The following SPATA31A6 variants were observed in gnomAD, a reference collection of about 807,000 sequenced individuals.
SPATA31A6 encodes the protein SPATA31 subfamily A member 6.
A neutral mutation model predicts 11.9 loss-of-function variants in SPATA31A6; 9 were observed. The observed-to-expected ratio is 0.76, with a 90% CI of 0.46 to 1.32. SPATA31A6 has a LOEUF of 1.32. Among genes scored for constraint, SPATA31A6 ranks in the 40% most tolerant of loss-of-function variants. SPATA31A6 has a pLI of 0.00. For synonymous variants in SPATA31A6, 314 were observed against 572.1 expected, an observed-to-expected ratio of 0.55 and a Z score of 6.44; for missense variants, 855 against 1,467.3, an observed-to-expected ratio of 0.58 and a Z score of 6.82.
At position 42,184,475 on chromosome 9, in the gene SPATA31A6, G is replaced by A. The variant is rs1587325288; in HGVS notation, c.190-594G>A. ...TGTGTGTGTGTGTGTGTGTGTGTGTGTGTGTGTTATTTTTATTTTATTTGT... is the reference window on the plus strand; with the variant it reads ...TGTGTGTGTGTGTGTGTGTGTGTGTATGTGTGTTATTTTTATTTTATTTGT... On this transcript the variant is annotated intron_variant, in intron 1 of 3. Coordinates refer to ENST00000332857, the MANE Select transcript of SPATA31A6 (RefSeq NM_001145196.1). 1.6e-5 allele frequency among the ~76,000 whole-genome samples: 2 copies of A among 128,548 alleles called. 1 individual carries two copies. Among genetic ancestry groups the A allele is most frequent in the Non-Finnish European group, 3.2e-5 (2 of 61,882 alleles). 84.3% of individuals were successfully genotyped at this position (128,548 alleles called of 152,430 possible). A position where few individuals can be genotyped will look rare whatever the true frequency, so the allele number is the denominator to read the frequency against.
chr9:42,187,545 G>C lies in SPATA31A6; in HGVS notation c.1843G>C (p.Glu615Gln). Residue 615 changes from glutamate (E) to glutamine (Q), a missense_variant, in exon 4 of 4, where the codon GAG becomes CAG. By Grantham distance (29) the Glu-to-Gln change is conservative. Transcript: ENST00000332857. ...QHWGNLGRIQ[E>Q]SLDLMQLRDE... ...CTGGGGCAACCTGGGAAGGATCCAA[G>C]AGTCTCTGGATCTGATGCAGCTTCG... 1 of 1,453,282 alleles carries C rather than the reference G, an allele frequency of 6.9e-7. No individual in the cohort carries two copies. The highest frequency in any genetic ancestry group is 9.2e-7 in the Non-Finnish European group (1 of 1,081,348). The allele number at this position is 1,453,282 out of a possible 1,614,324, so 90.0% of individuals were successfully genotyped here. A position where few individuals can be genotyped will look rare whatever the true frequency, so the allele number is the denominator to read the frequency against.
At chr9:42,183,945 T>C in intron 1 of SPATA31A6, 69 bp downstream of exon 1, 1 of 1,519,680 alleles carries the variant, frequency 6.6e-7, no homozygotes, top group Non-Finnish European at 8.8e-7. Flanking sequence ...AGTTCCACTT[T>C]TCCAAATCCA....
Position 42,189,877 on chromosome 9 carries a change from T to C in SPATA31A6, c.*143T>C. On this transcript the variant is annotated 3_prime_UTR_variant, in exon 4 of 4. Coordinates refer to ENST00000332857, the MANE Select transcript of SPATA31A6 (RefSeq NM_001145196.1). ...TAATATTCCACAATATATATGGTTT[T>C]TTATTTATAAGAGGGTGATGGCTTC... The C allele has an allele frequency of 8.9e-7, 1 of 1,117,592 alleles. No individual in the cohort carries two copies. Among genetic ancestry groups the C allele is most frequent in the Non-Finnish European group, 1.2e-6 (1 of 846,182 alleles). The allele number at this position is 1,117,592 out of a possible 1,614,324, so 69.2% of individuals were successfully genotyped here.
rs1410962719 is a variant in SPATA31A6 at position 42,184,821 on chromosome 9, C to A, written c.190-248C>A. ...TGGATTATAGGCGTGAGCCACCACG[C>A]CCAGCCCCCTCTTGCTGTTTTTCTA... is the stretch of plus-strand genomic sequence containing the variant. On this transcript the variant is annotated intron_variant, in intron 1 of 3. Transcript: ENST00000332857. 1.5e-4 allele frequency among the ~76,000 whole-genome samples: 20 copies of A among 137,694 alleles called. 4 individuals are homozygous for A. The allele number at this position is 137,694 out of a possible 152,430, so 90.3% of individuals were successfully genotyped here.
rs1251024594 is a variant in SPATA31A6 at position 42,187,192 on chromosome 9, C to T, written c.1490C>T (p.Ala497Val). 1.6e-5 allele frequency: 24 copies of T among 1,543,234 alleles called. 5 individuals are homozygous for T. Among genetic ancestry groups the T allele is most frequent in the Admixed American group, 3.5e-5 (2 of 57,256 alleles). ...CCTATGGCTCAGGCCGAGGCTCAGG[C>T]CCATCTTCAGTCTTCTTTCCCAGTC... is the stretch of plus-strand genomic sequence containing the variant. ...PTPMAQAEAQ[A>V]HLQSSFPVLS... is the part of the protein sequence containing the mutation. Residue 497 changes from alanine (A) to valine (V), a missense_variant, in exon 4 of 4, where the codon GCC (alanine) becomes GTC (valine). Coordinates refer to ENST00000332857, the MANE Select transcript of SPATA31A6 (RefSeq NM_001145196.1).
chr9:42,187,284 G>C lies in SPATA31A6; in HGVS notation c.1582G>C (p.Val528Leu). ...GVACPASQNK[V>L]QALSLPETQH... Reference sequence around the variant, plus strand: ...AGCTTGCCCTGCATCGCAGAATAAAGTGCAAGCTCTCTCCCTACCTGAAAC... The same window carrying C: ...AGCTTGCCCTGCATCGCAGAATAAACTGCAAGCTCTCTCCCTACCTGAAAC... The change falls in exon 4 of 4, where the codon GTG becomes CTG. Residue 528 changes from valine (V) to leucine (L), a missense_variant. Transcript: ENST00000332857. 1 of 1,541,268 alleles carries C rather than the reference G, an allele frequency of 6.5e-7. No homozygotes were observed. Among genetic ancestry groups the C allele is most frequent in the South Asian group, 1.2e-5 (1 of 86,468 alleles).
Position 42,185,716 on chromosome 9 carries a change from G to A in SPATA31A6, c.269G>A (p.Gly90Asp). 4 of 1,382,230 alleles carry A rather than the reference G, an allele frequency of 2.9e-6. 1 individual carries two copies. Among genetic ancestry groups the A allele is most frequent in the Non-Finnish European group, 3.0e-6 (3 of 1,016,078 alleles). The allele number at this position is 1,382,230 out of a possible 1,614,324, so 85.6% of individuals were successfully genotyped here. Residue 90 changes from glycine (G) to aspartate (D), a missense_variant, in exon 3 of 4, where the codon GGC (glycine) becomes GAC (aspartate). Gly to Asp is a moderately conservative substitution (Grantham distance 94). Transcript: ENST00000332857. ...SLRAGRECPR[G>D]LEETSDLLSQ... ...CCAGCTGGTAGAGAGTGCCCGAGAG[G>A]CCTGGAGGAGACTTCGGACCTTCTT...
At chr9:42,185,493 C>A in intron 2 of SPATA31A6, 2 of 910,568 alleles carry the variant, frequency 2.2e-6, no homozygotes, top group Non-Finnish European at 3.3e-6. Flanking sequence ...GTGGGGGGTC[C>A]GTGTGTGGAA....
rs1587330075 is a variant in SPATA31A6 at position 42,188,762 on chromosome 9, G to A, written c.3060G>A (p.Gln1020=). 4 of 1,468,228 alleles carry A rather than the reference G, an allele frequency of 2.7e-6. 1 individual carries two copies. The allele number at this position is 1,468,228 out of a possible 1,614,324, so 91.0% of individuals were successfully genotyped here. The change falls in exon 4 of 4, where the codon CAG becomes CAA. Residue 1020 remains glutamine (Q), a synonymous_variant. Coordinates refer to ENST00000332857, the MANE Select transcript of SPATA31A6 (RefSeq NM_001145196.1). The part of the protein sequence containing the change: ...EPGMATKSET[Q]PQVCAAVVLL... Reference sequence around the variant, plus strand: ...GAATGGCCACAAAGTCAGAGACCCAGCCTCAAGTTTGTGCCGCTGTTGTGC... The same window carrying A: ...GAATGGCCACAAAGTCAGAGACCCAACCTCAAGTTTGTGCCGCTGTTGTGC...
At position 42,187,242 on chromosome 9, in the gene SPATA31A6, A is replaced by G; in HGVS notation, c.1540A>G (p.Ile514Val). 5 of 1,542,760 alleles carry G rather than the reference A, an allele frequency of 3.2e-6. 1 individual carries two copies. The highest frequency in any genetic ancestry group is 4.4e-6 in the Non-Finnish European group (5 of 1,138,112). Reference protein sequence around the residue: ...PVLSPAFPSLIKNTGVACPAS... With the variant: ...PVLSPAFPSLVKNTGVACPAS... ...CCTATCTCCTGCTTTTCCATCCCTG[A>G]TTAAGAACACTGGAGTAGCTTGCCC... is the stretch of plus-strand genomic sequence containing the variant. The change falls in exon 4 of 4, where the codon ATT becomes GTT. Residue 514 changes from isoleucine to valine, a missense_variant. Ile to Val is a conservative substitution (Grantham distance 29). Coordinates refer to ENST00000332857, the MANE Select transcript of SPATA31A6 (RefSeq NM_001145196.1).
Position 42,186,712 on chromosome 9 carries a change from A to C in SPATA31A6, c.1010A>C (p.Lys337Thr). The part of the protein sequence containing the change: ...VVGIQVTETA[K>T]VNIWEEKENV... ...GGGATACAAGTCACAGAAACAGCCA[A>C]GGTCAACATTTGGGAAGAAAAAGAA... The change falls in exon 4 of 4, where the codon AAG becomes ACG. Residue 337 changes from lysine to threonine, a missense_variant. Physicochemically the swap from Lys to Thr is moderately conservative, Grantham distance 78 (BLOSUM62 -1). Coordinates refer to ENST00000332857, the MANE Select transcript of SPATA31A6 (RefSeq NM_001145196.1). 1 of 1,531,298 alleles carries C rather than the reference A, an allele frequency of 6.5e-7. No homozygotes were observed. The highest frequency in any genetic ancestry group is 8.8e-7 in the Non-Finnish European group (1 of 1,139,546). The allele number at this position is 1,531,298 out of a possible 1,614,324, so 94.9% of individuals were successfully genotyped here.
Position 42,185,043 on chromosome 9 carries a change from T to A in SPATA31A6, c.190-26T>A. 3 of 1,535,704 alleles carry A rather than the reference T, an allele frequency of 2.0e-6. 1 individual carries two copies. In the South Asian group the frequency reaches 3.5e-5, roughly 18 times the overall value. ...CATCTTGTCTCTCCGCGTCATCTTG[T>A]CTCCGTACGTCATCATGTCTCCCAG... On this transcript the variant is annotated intron_variant, in intron 1 of 3. Transcript: ENST00000332857.
At chr9:42,185,659 T>G in intron 2 of SPATA31A6, 36 bp from the exon 3 acceptor site, 1 of 1,478,830 alleles carries the variant, frequency 6.8e-7, no homozygotes, top group South Asian at 1.2e-5. Context: ...CCCAGGCCCC[T>G]CCCTCACTGC....
chr9:42,184,264 C>A (rs1829400835), intron 1 of SPATA31A6, among the ~76,000 whole-genome samples: 1 of 132,976 alleles, frequency 7.5e-6, no homozygotes, highest in South Asian at 2.4e-4. Context: ...TGATCTGGGG[C>A]CTGTGCTGGG....
chr9:42,188,764 C>T lies in SPATA31A6; in HGVS notation c.3062C>T (p.Pro1021Leu). 2 of 1,472,348 alleles carry T rather than the reference C, an allele frequency of 1.4e-6. No homozygotes were observed. Among genetic ancestry groups the T allele is most frequent in the Non-Finnish European group, 1.8e-6 (2 of 1,097,026 alleles). 91.2% of individuals were successfully genotyped at this position (1,472,348 alleles called of 1,614,324 possible). A position where few individuals can be genotyped will look rare whatever the true frequency, so the allele number is the denominator to read the frequency against. The change falls in exon 4 of 4, where the codon CCT becomes CTT. Residue 1021 changes from proline (P) to leucine (L), a missense_variant. By Grantham distance (98) the Pro-to-Leu change is moderately conservative. Transcript: ENST00000332857. Reference protein sequence around the residue: ...PGMATKSETQPQVCAAVVLLP... With the variant: ...PGMATKSETQLQVCAAVVLLP... The stretch of plus-strand genomic sequence containing the variant: ...ATGGCCACAAAGTCAGAGACCCAGC[C>T]TCAAGTTTGTGCCGCTGTTGTGCTC...
At chr9:42,185,480 G>A (rs1829429271) in intron 2 of SPATA31A6, 1 of 809,908 alleles carries the variant, frequency 1.2e-6, no homozygotes, top group Non-Finnish European at 1.9e-6. Flanking sequence ...GAGGACTGTG[G>A]GGGTGGGGGG....
Position 42,185,538 on chromosome 9 carries a change from C to T in SPATA31A6, c.248-157C>T, listed in dbSNP as rs1394763708. Reference sequence around the variant, plus strand: ...GAATGAAAAAGCCCTGTCCTCCATGCCTTGCTATTAACGTCGGGGTCATGT... The same window carrying T: ...GAATGAAAAAGCCCTGTCCTCCATGTCTTGCTATTAACGTCGGGGTCATGT... On this transcript the variant is annotated intron_variant, in intron 2 of 3. Transcript: ENST00000332857. 5.1e-5 allele frequency among the ~76,000 whole-genome samples: 7 copies of T among 137,188 alleles called. No homozygotes were observed. In the East Asian group the frequency reaches 6.7e-4, roughly 13 times the overall value. 90.0% of individuals were successfully genotyped at this position (137,188 alleles called of 152,430 possible). A position where few individuals can be genotyped will look rare whatever the true frequency, so the allele number is the denominator to read the frequency against.
rs1370409004 is a variant in SPATA31A6, at chr9:42,187,213, C to T, written c.1511C>T (p.Pro504Leu). 3 of 1,543,316 alleles carry T rather than the reference C, an allele frequency of 1.9e-6. 1 individual carries two copies. Among genetic ancestry groups the T allele is most frequent in the Non-Finnish European group, 2.6e-6 (3 of 1,138,270 alleles). Residue 504 changes from proline to leucine, a missense_variant, in exon 4 of 4, where the codon CCA becomes CTA. Coordinates refer to ENST00000332857, the MANE Select transcript of SPATA31A6 (RefSeq NM_001145196.1). The stretch of plus-strand genomic sequence containing the variant: ...CAGGCCCATCTTCAGTCTTCTTTCC[C>T]AGTCCTATCTCCTGCTTTTCCATCC... ...EAQAHLQSSF[P>L]VLSPAFPSLI...
intron 1 of SPATA31A6, among the ~76,000 whole-genome samples, 160 bp downstream of exon 1, chr9:42,184,036 T>G (rs1829396705): frequency 1.5e-5 from 2 of 136,496 alleles, no homozygotes; most frequent in Non-Finnish European, 3.1e-5. Context: ...AGCCAGGGGT[T>G]GGTAGGGGTA....
Sources: gnomAD v4.1 joint callset for allele counts (sites outside exome capture counted in the v4.1 genomes callset) on GRCh38, gnomAD v4.1.1 for gene constraint, MANE v1.5 for transcripts, NCBI Gene and HGNC (gene_info 2026-07-23, HGNC 2026-07-21) for gene names.